BCAR3: variants seen among roughly 807,000 people sequenced by gnomAD.
BCAR3 encodes the protein breast cancer anti-estrogen resistance protein 3.
In BCAR3, 37 loss-of-function variants were observed where a neutral mutation model predicts 80.1. The ratio of observed to expected loss-of-function variants is 0.46; its 90% CI spans 0.36 to 0.61. BCAR3 has a LOEUF of 0.61. BCAR3 is among the 20% of genes least tolerant of loss of function. BCAR3 has a pLI of 0.00. For synonymous variants in BCAR3, 389 were observed against 418.9 expected (o/e 0.93, Z 0.87); for missense variants, 978 against 1,068.2 (o/e 0.92, Z 1.18).
intron 3 of BCAR3, among the ~76,000 whole-genome samples, chr1:93,594,115 T>G (rs1674325505): frequency 6.6e-6 from 1 of 152,234 alleles, no homozygotes; most frequent in Non-Finnish European, 1.5e-5. Flanking sequence ...GTTTATTGTC[T>G]GACTTGCCTC....
rs779564364 is a variant in BCAR3, at chr1:93,582,718, G to A, written c.1269C>T (p.Leu423=). 5 of 1,614,002 alleles carry A rather than the reference G, an allele frequency of 3.1e-6. No homozygotes were observed. The highest frequency in any genetic ancestry group is 1.3e-5 in the African/African-American group (1 of 74,898). ...GTTCACAGTAGTTGGCCTCTGAGTTGAGCCAGGCAGAGGGAGACGAGGGAA... is the reference window on the plus strand; with the variant it reads ...GTTCACAGTAGTTGGCCTCTGAGTTAAGCCAGGCAGAGGGAGACGAGGGAA... The part of the protein sequence containing the change: ...LKVPSSPSAW[L]NSEANYCELN... The change falls in exon 7 of 12, where the codon CTC becomes CTT. Residue 423 remains leucine, a synonymous_variant. Coordinates refer to ENST00000260502, the MANE Select transcript of BCAR3 (RefSeq NM_003567.4).
At chr1:93,795,414 C>T (rs1653232112) in intron 2 of BCAR3, among the ~76,000 whole-genome samples, 1 of 107,574 alleles carries the variant, frequency 9.3e-6, no homozygotes, top group South Asian at 3.2e-4. Flanking sequence ...TTTCATCTTC[C>T]ATTGCTGATA....
intron 1 of BCAR3, among the ~76,000 whole-genome samples, chr1:93,679,222 A>G (rs1648635698): frequency 6.6e-6 from 1 of 152,224 alleles, no homozygotes; most frequent in Non-Finnish European, 1.5e-5. Context: ...TACTGCAAAC[A>G]CTTAGTAAAT....
At chr1:93,667,931 A>C (rs1473344987) in intron 2 of BCAR3, among the ~76,000 whole-genome samples, 1 of 152,244 alleles carries the variant, frequency 6.6e-6, no homozygotes, top group African/African-American at 2.4e-5. Flanking sequence ...TGTGTATTCT[A>C]GCCAGGCTAG....
chr1:93,719,593 C>T (rs538638105), intron 2 of BCAR3, among the ~76,000 whole-genome samples: 1 of 152,144 alleles, frequency 6.6e-6, no homozygotes, highest in African/African-American at 2.4e-5. Flanking sequence ...CTGCCTGCCT[C>T]GGCCTCCCAA....
rs147618629 is a variant in BCAR3 at position 93,644,870 on chromosome 1, T to C, written c.318-2527A>G. On this transcript the variant is annotated intron_variant, in intron 2 of 11. Coordinates refer to ENST00000260502, the MANE Select transcript of BCAR3 (RefSeq NM_003567.4). ...TTGGTTGATGGTCCTTAATTTATTC[T>C]TGAGCTGATTTTTCTCCTAGGAAGT... 2.5e-3 allele frequency among the ~76,000 whole-genome samples: 380 copies of C among 152,326 alleles called. 18 individuals are homozygous for C. In the East Asian group the frequency reaches 0.062, roughly 25 times the overall value.
At chr1:93,775,015 T>G (rs567078195) in intron 2 of BCAR3, among the ~76,000 whole-genome samples, 1 of 152,224 alleles carries the variant, frequency 6.6e-6, no homozygotes, top group Non-Finnish European at 1.5e-5. Flanking sequence ...AAAATCTTAC[T>G]CTGGTTACCC....
At position 93,728,848 on chromosome 1, in the gene BCAR3, G is replaced by A. The variant is rs12405437; in HGVS notation, c.-62-22706C>T. On this transcript the variant is annotated intron_variant, in intron 2 of 13. Transcript: ENST00000370244. ...CTCAGGGTTTTTATAGACATAGGAT[G>A]GGGGCGCGGCAGGCCAGGGTGGTCT... 7.0e-3 allele frequency among the ~76,000 whole-genome samples: 1,062 copies of A among 152,196 alleles called. 29 individuals carry two copies. The highest frequency in any genetic ancestry group is 0.061 in the Admixed American group (929 of 15,296).
intron 2 of BCAR3, among the ~76,000 whole-genome samples, chr1:93,822,821 CAACTCAT>C (rs1654277221): frequency 7.3e-6 from 1 of 136,676 alleles, no homozygotes; most frequent in African/African-American, 2.5e-5. Flanking sequence ...ACCTACCCAT[CAACTCAT>C]CACCACTCAC....
chr1:93,676,308 T>C (rs535937571), intron 1 of BCAR3, among the ~76,000 whole-genome samples: 1 of 151,744 alleles, frequency 6.6e-6, no homozygotes, highest in Non-Finnish European at 1.5e-5. Context: ...GACATTAGAG[T>C]GTGTAAAGAA....
intron 2 of BCAR3, among the ~76,000 whole-genome samples, chr1:93,773,317 T>C (rs1036375348): frequency 6.6e-6 from 1 of 152,002 alleles, no homozygotes. Context: ...GAGAATTTCA[T>C]AGGTGAAAAA....
intron 1 of BCAR3, among the ~76,000 whole-genome samples, chr1:93,677,098 C>T (rs1472127998): frequency 6.6e-6 from 1 of 152,186 alleles, no homozygotes; most frequent in Non-Finnish European, 1.5e-5. Flanking sequence ...ACAAAGATGC[C>T]TAAGGCCCAA....
chr1:93,570,124 T>G (rs969698100), intron 9 of BCAR3, among the ~76,000 whole-genome samples: 1 of 152,156 alleles, frequency 6.6e-6, no homozygotes, highest in South Asian at 2.1e-4. Context: ...TTCTGAAATA[T>G]AATTAGAATT....
chr1:93,562,528 G>A (rs1222750833), intron 11 of BCAR3, 109 bp from the exon 12 acceptor site: 104 of 914,172 alleles, frequency 1.1e-4, no homozygotes, highest in Non-Finnish European at 1.6e-4. Context: ...CCAGCACTTT[G>A]GGAGGCCGAG....
intron 2 of BCAR3, among the ~76,000 whole-genome samples, chr1:93,806,732 G>T (rs2100797072): frequency 6.6e-6 from 1 of 152,236 alleles, no homozygotes; most frequent in African/African-American, 2.4e-5. Flanking sequence ...TAATTTCTTA[G>T]GTCTTTCAAT....
intron 3 of BCAR3, among the ~76,000 whole-genome samples, chr1:93,703,730 A>G (rs1571060384): frequency 1.3e-5 from 2 of 152,202 alleles, no homozygotes; most frequent in East Asian, 1.9e-4. Flanking sequence ...ACAAAGACCC[A>G]GATATTCTCC....
rs1402141279 is a variant in BCAR3 at position 93,582,285 on chromosome 1, G to T, written c.1686+16C>A. On this transcript the variant is annotated intron_variant, in intron 7 of 11. Transcript: ENST00000260502. Reference sequence around the variant, plus strand: ...CCTTGAAAAGCCAGAGGAGCACCAGGACCCCCAGCGCTTACCCTGCAGTCC... The same window carrying T: ...CCTTGAAAAGCCAGAGGAGCACCAGTACCCCCAGCGCTTACCCTGCAGTCC... The T allele has an allele frequency of 1.2e-6, 2 of 1,603,428 alleles. No individual in the cohort carries two copies. Among genetic ancestry groups the T allele is most frequent in the East Asian group, 2.2e-5 (1 of 44,692 alleles).
At chr1:93,785,459 T>C (rs1156953333) in intron 2 of BCAR3, among the ~76,000 whole-genome samples, 1 of 152,152 alleles carries the variant, frequency 6.6e-6, no homozygotes, top group African/African-American at 2.4e-5. Flanking sequence ...AATCTTATGA[T>C]TGTGAAGAGA....
At chr1:93,664,927 C>T (rs1647829593) in intron 2 of BCAR3, among the ~76,000 whole-genome samples, 1 of 151,930 alleles carries the variant, frequency 6.6e-6, no homozygotes, top group African/African-American at 2.4e-5. Context: ...TCCCATCTAC[C>T]CCACCCCCAC....
Sources: allele counts gnomAD v4.1 joint callset (sites outside exome capture counted in the v4.1 genomes callset), GRCh38; gene constraint gnomAD v4.1.1; transcripts MANE v1.5; gene names NCBI Gene and HGNC (gene_info 2026-07-23, HGNC 2026-07-21).